FOXN3: variants seen among roughly 807,000 people sequenced by gnomAD.
FOXN3 encodes forkhead box N3.
FOXN3 carries 7 observed loss-of-function variants against 38.4 expected under a neutral mutation model. The ratio of observed to expected loss-of-function variants is 0.18; its 90% CI spans 0.10 to 0.34. FOXN3 has a LOEUF of 0.34. Ranked by LOEUF, FOXN3 falls within the 10% of genes least tolerant of loss-of-function variation. The pLI is 1.00. For synonymous variants in FOXN3, 230 were observed against 242.2 expected (o/e 0.95, Z 0.47); for missense variants, 456 against 613.4 (o/e 0.74, Z 2.71).
chr14:89,349,340 C>T (rs1238545572), intron 3 of FOXN3, among the ~76,000 whole-genome samples: 2 of 152,184 alleles, frequency 1.3e-5, no homozygotes, highest in African/African-American at 4.8e-5. Context: ...GTTGTCATTT[C>T]GAATAAAGTA....
At chr14:89,544,505 C>CTAATTGTTA (rs1894848741) in intron 1 of FOXN3, among the ~76,000 whole-genome samples, 3 of 152,176 alleles carry the variant, frequency 2.0e-5, no homozygotes, top group Admixed American at 6.5e-5. Context: ...AATCAACAAA[C>CTAATTGTTA]CCTTACTAAG....
chr14:89,554,415 C>T (rs953124824), intron 1 of FOXN3, among the ~76,000 whole-genome samples: 2 of 152,150 alleles, frequency 1.3e-5, no homozygotes, highest in African/African-American at 4.8e-5. Context: ...GGATTACAGG[C>T]AAAAGCCACC....
intron 1 of FOXN3, among the ~76,000 whole-genome samples, chr14:89,442,358 T>G (rs1892405132): frequency 6.6e-6 from 1 of 152,206 alleles, no homozygotes; most frequent in Non-Finnish European, 1.5e-5. Context: ...GCTTTCTGAT[T>G]TGCTACACCT....
At chr14:89,384,107 G>A (rs1734354794) in intron 2 of FOXN3, among the ~76,000 whole-genome samples, 1 of 152,174 alleles carries the variant, frequency 6.6e-6, no homozygotes, top group South Asian at 2.1e-4. Context: ...GAACCTCAAA[G>A]GTAACCTTTT....
chr14:89,367,416 G>A (rs571976713), intron 2 of FOXN3, among the ~76,000 whole-genome samples: 5 of 152,340 alleles, frequency 3.3e-5, no homozygotes, highest in African/African-American at 1.2e-4. Flanking sequence ...CGACCCACAT[G>A]TGAGAAGCTG....
chr14:89,327,286 A>G (rs1888112081), intron 3 of FOXN3, among the ~76,000 whole-genome samples: 1 of 152,212 alleles, frequency 6.6e-6, no homozygotes. Context: ...TTATTATATG[A>G]TGTGCTTAAC....
chr14:89,510,885 G>C (rs1045866285), intron 1 of FOXN3, among the ~76,000 whole-genome samples: 1 of 152,168 alleles, frequency 6.6e-6, no homozygotes, highest in African/African-American at 2.4e-5. Context: ...GGAAGTTGCA[G>C]TGAGCTGAGA....
intron 1 of FOXN3, among the ~76,000 whole-genome samples, chr14:89,455,703 C>G (rs1263502675): frequency 6.6e-6 from 1 of 152,142 alleles, no homozygotes; most frequent in Non-Finnish European, 1.5e-5. Flanking sequence ...AGCAAGGAGG[C>G]AAGAAGGACA....
intron 3 of FOXN3, among the ~76,000 whole-genome samples, chr14:89,333,534 C>A (rs1236896429): frequency 6.6e-6 from 1 of 151,344 alleles, no homozygotes; most frequent in African/African-American, 2.4e-5. Context: ...CCAGCACTTG[C>A]AGATCACCTG....
Position 89,276,818 on chromosome 14 carries a change from G to A in FOXN3, c.745+4132C>T, listed in dbSNP as rs79286219. On this transcript the variant is annotated intron_variant, in intron 4 of 5. Coordinates refer to ENST00000557258, the MANE Select transcript of FOXN3 (RefSeq NM_005197.4). ...GTAGCTCCTCTCTGAACAAAACTCC[G>A]TGGGGAGCTCTGAGGCCAACAGGGC... is the stretch of plus-strand genomic sequence containing the variant. 2.5e-3 allele frequency among the ~76,000 whole-genome samples: 376 copies of A among 152,334 alleles called. 1 individual carries two copies. The highest frequency in any genetic ancestry group is 8.3e-3 in the African/African-American group (346 of 41,584).
At chr14:89,345,484 C>G (rs1326885725) in intron 3 of FOXN3, among the ~76,000 whole-genome samples, 2 of 152,178 alleles carry the variant, frequency 1.3e-5, no homozygotes, top group East Asian at 3.9e-4. Context: ...CACTGGTATA[C>G]TACTATTTTT....
At chr14:89,511,141 T>TTTTCTTTTCTTTCTTTC (rs1894051126) in intron 1 of FOXN3, among the ~76,000 whole-genome samples, 908 of 20,996 alleles carry the variant, frequency 0.043, 241 homozygotes, top group Non-Finnish European at 0.13. Flanking sequence ...TCTTTCTTTC[T>TTTTCTTTTCTTTCTTTC]TTTCTTTCTT....
intron 1 of FOXN3, among the ~76,000 whole-genome samples, chr14:89,503,901 G>A (rs543495636): frequency 3.3e-5 from 5 of 152,312 alleles, no homozygotes; most frequent in African/African-American, 7.2e-5. Context: ...AGACAGATGC[G>A]ACGCCATGAA....
At chr14:89,525,173 G>A (rs1251055361) in intron 1 of FOXN3, among the ~76,000 whole-genome samples, 1 of 152,130 alleles carries the variant, frequency 6.6e-6, no homozygotes, top group Non-Finnish European at 1.5e-5. Flanking sequence ...ATTCCCAGGA[G>A]GTTGAGGCAT....
At chr14:89,366,417 C>T (rs1299456617) in intron 2 of FOXN3, among the ~76,000 whole-genome samples, 2 of 152,068 alleles carry the variant, frequency 1.3e-5, no homozygotes, top group African/African-American at 4.8e-5. Flanking sequence ...CACCCACAAT[C>T]TTAAAGTCGA....
At chr14:89,294,051 G>A (rs921247540) in intron 3 of FOXN3, among the ~76,000 whole-genome samples, 15 of 152,038 alleles carry the variant, frequency 9.9e-5, no homozygotes, top group African/African-American at 2.9e-4. Context: ...CCTCAGCTAC[G>A]TCCCTGCCTC....
At chr14:89,446,087 C>CGAAAAAAAAAAAAA in intron 1 of FOXN3, among the ~76,000 whole-genome samples, 1 of 40,120 alleles carries the variant, frequency 2.5e-5, no homozygotes, top group African/African-American at 8.5e-5. Flanking sequence ...GACCCTGCCT[C>CGAAAAAAAAAAAAA]AAAAAAAAAA....
chr14:89,161,031 T>C lies in FOXN3; in HGVS notation c.*1383A>G, dbSNP rs961210389. The C allele has an allele frequency of 6.6e-6, 1 of 152,254 alleles. No homozygotes were observed. Among genetic ancestry groups the C allele is most frequent in the Non-Finnish European group, 1.5e-5 (1 of 68,024 alleles). 9.4% of individuals were successfully genotyped at this position (152,254 alleles called of 1,614,324 possible). ...CATAGCCTTTTCTCTATTTTCTATATTTATATGAAAATAATTCATGCTTCA... is the reference window on the plus strand; with the variant it reads ...CATAGCCTTTTCTCTATTTTCTATACTTATATGAAAATAATTCATGCTTCA... On this transcript the variant is annotated 3_prime_UTR_variant, in exon 6 of 6. Transcript: ENST00000557258.
chr14:89,300,638 T>C (rs1887191104), intron 3 of FOXN3, among the ~76,000 whole-genome samples: 1 of 152,166 alleles, frequency 6.6e-6, no homozygotes. Context: ...GCTAGTCCCA[T>C]CCCATAGTCC....
Sources: gnomAD v4.1 joint callset for allele counts (sites outside exome capture counted in the v4.1 genomes callset) on GRCh38, gnomAD v4.1.1 for gene constraint, MANE v1.5 for transcripts, NCBI Gene and HGNC (gene_info 2026-07-23, HGNC 2026-07-21) for gene names.